Variants in USH2A observed in about 807,000 individuals in gnomAD.
The protein encoded by USH2A is usherin.
In USH2A, 443 loss-of-function variants were observed where a neutral mutation model predicts 538.9. That is an observed-to-expected ratio of 0.82 (90% CI 0.76 to 0.89). The LOEUF (loss-of-function observed/expected upper bound fraction) is 0.89. Ranked by LOEUF, USH2A falls within the 40% of genes least tolerant of loss-of-function variation. The pLI, the probability that USH2A is intolerant of heterozygous loss-of-function variation, is 0.00. For synonymous variants in USH2A, 2,413 were observed against 2,273.5 expected (o/e 1.06, Z -1.75); for missense variants, 6,633 against 6,324.8 (o/e 1.05, Z -1.65).
At chr1:215,774,993 A>G (rs1661420420) in intron 55 of USH2A, among the ~76,000 whole-genome samples, 1 of 149,934 alleles carries the variant, frequency 6.7e-6, no homozygotes, top group Non-Finnish European at 1.5e-5. Flanking sequence ...TCTTATCTCT[A>G]TTTTCACAGG....
intron 21 of USH2A, among the ~76,000 whole-genome samples, chr1:216,136,249 C>A (rs1021255944): frequency 1.3e-5 from 2 of 152,044 alleles, no homozygotes; most frequent in African/African-American, 4.8e-5. Flanking sequence ...TATGCTATCT[C>A]TATAAATATA....
chr1:216,392,772 C>A (rs993038916), intron 3 of USH2A, among the ~76,000 whole-genome samples: 1 of 152,002 alleles, frequency 6.6e-6, no homozygotes, highest in Non-Finnish European at 1.5e-5. Flanking sequence ...AATATCAGAG[C>A]AAAATTACTG....
At position 216,070,145 on chromosome 1, in the gene USH2A, A is replaced by G; in HGVS notation, c.6005T>C (p.Met2002Thr). The change falls in exon 30 of 72, where the codon ATG becomes ACG. Residue 2002 changes from methionine (M) to threonine (T), a missense_variant. By Grantham distance (81) the Met-to-Thr change is moderately conservative (BLOSUM62 -1). Coordinates refer to ENST00000307340, the MANE Select transcript of USH2A (RefSeq NM_206933.4). ...YSEDSTRPPR[M>T]PSASAEFVNT... ...GACAAATTCAGCACTGGCAGAGGGC[A>G]TGCGGGGTGGACGGGTGCTGTCCTC... 6.2e-7 allele frequency: 1 copy of G among 1,614,010 alleles called. No homozygotes were observed.
At chr1:216,141,212 G>T (rs558583280) in intron 21 of USH2A, among the ~76,000 whole-genome samples, 1 of 152,298 alleles carries the variant, frequency 6.6e-6, no homozygotes, top group Non-Finnish European at 1.5e-5. Context: ...TTTTGAACCT[G>T]CAATACACAC....
chr1:215,961,835 T>C (rs1667208409), intron 37 of USH2A, among the ~76,000 whole-genome samples: 1 of 151,828 alleles, frequency 6.6e-6, no homozygotes. Flanking sequence ...GACCCATACA[T>C]GACATATTAT....
intron 60 of USH2A, among the ~76,000 whole-genome samples, chr1:215,733,785 T>C (rs927126055): frequency 1.3e-5 from 2 of 152,224 alleles, no homozygotes; most frequent in Non-Finnish European, 2.9e-5. Flanking sequence ...CATGTCCCAC[T>C]CCAGGGCACA....
intron 20 of USH2A, among the ~76,000 whole-genome samples, chr1:216,184,023 C>T (rs1339050114): frequency 6.6e-6 from 1 of 151,964 alleles, no homozygotes; most frequent in Non-Finnish European, 1.5e-5. Context: ...TCAGTGTACT[C>T]AGGATTTCAC....
rs1411452326 is a variant in USH2A, at chr1:215,671,163, C to A, written c.13942G>T (p.Gly4648Ter). Residue 4648 changes from glycine (G) to a stop codon, truncating the protein, a stop_gained, in exon 64 of 72, where the codon GGA becomes TGA. Coordinates refer to ENST00000307340, the MANE Select transcript of USH2A (RefSeq NM_206933.4). LOFTEE classifies it high-confidence loss of function. ...AAAAGAGAAACAGTTGGCTGGAATCCTCCTGGAGCCATTTGTACCTCCAGA... is the reference window on the plus strand; with the variant it reads ...AAAAGAGAAACAGTTGGCTGGAATCATCCTGGAGCCATTTGTACCTCCAGA... ...PHLEVQMAPGGFQPTVSLLWT... is the reference protein window; with the variant it reads ...PHLEVQMAPG 7 of 1,613,972 alleles carry A rather than the reference C, an allele frequency of 4.3e-6. No homozygotes were observed. The highest frequency in any genetic ancestry group is 5.9e-6 in the Non-Finnish European group (7 of 1,180,018).
intron 12 of USH2A, among the ~76,000 whole-genome samples, chr1:216,249,023 C>G (rs1414766110): frequency 6.6e-6 from 1 of 152,012 alleles, no homozygotes; most frequent in African/African-American, 2.4e-5. Flanking sequence ...TTAACTCTAA[C>G]AGTTTGCTTT....
intron 9 of USH2A, among the ~76,000 whole-genome samples, chr1:216,305,812 T>A (rs1435390546): frequency 1.3e-5 from 2 of 152,202 alleles, no homozygotes; most frequent in African/African-American, 4.8e-5. Flanking sequence ...AATAACTGTT[T>A]TGTTTAAGGA....
At position 215,717,932 on chromosome 1, in the gene USH2A, A is replaced by G. The variant is rs536052570; in HGVS notation, c.12066+10098T>C. The stretch of plus-strand genomic sequence containing the variant: ...TAAACAACTGATTATGTAACTAGAT[A>G]ATATCTGAAATTTGGGATCCAAAGT... On this transcript the variant is annotated intron_variant, in intron 61 of 71. Transcript: ENST00000307340. 6.6e-5 allele frequency among the ~76,000 whole-genome samples: 10 copies of G among 152,344 alleles called. 1 individual carries two copies. Among genetic ancestry groups the G allele is most frequent in the African/African-American group, 1.9e-4 (8 of 41,582 alleles).
chr1:215,838,177 C>T (rs1663583441), intron 46 of USH2A, 74 bp from the exon 47 acceptor site: 1 of 1,170,336 alleles, frequency 8.5e-7, no homozygotes, highest in Non-Finnish European at 1.3e-6. Flanking sequence ...TGAATCCCAC[C>T]TTCCCTCATT....
chr1:216,065,450 A>C (rs1413674819), intron 30 of USH2A, among the ~76,000 whole-genome samples: 1 of 152,256 alleles, frequency 6.6e-6, no homozygotes, highest in Non-Finnish European at 1.5e-5. Flanking sequence ...AACTACATAA[A>C]ATATTTTTTA....
chr1:216,208,573 G>A (rs1158187835), intron 15 of USH2A, among the ~76,000 whole-genome samples: 2 of 152,082 alleles, frequency 1.3e-5, no homozygotes, highest in East Asian at 3.9e-4. Flanking sequence ...AAAAGAGATG[G>A]TCCAGTACTC....
At chr1:216,242,054 C>A (rs993562614) in intron 13 of USH2A, among the ~76,000 whole-genome samples, 19 of 151,970 alleles carry the variant, frequency 1.3e-4, no homozygotes, top group Admixed American at 2.6e-4. Context: ...ATCTTGAGGG[C>A]AAGGATTACC....
chr1:216,180,923 G>A (rs301752), intron 20 of USH2A, among the ~76,000 whole-genome samples: 30,041 of 152,042 alleles, frequency 0.2, 3,083 homozygotes, highest in Non-Finnish European at 0.23. Flanking sequence ...CAGGTCATGA[G>A]CCCTGATTTC....
chr1:215,660,956 C>T (rs750994817), intron 64 of USH2A, among the ~76,000 whole-genome samples: 2 of 152,152 alleles, frequency 1.3e-5, no homozygotes, highest in Non-Finnish European at 2.9e-5. Flanking sequence ...GATTAGATTG[C>T]TTCATATATC....
chr1:215,780,112 A>C, intron 54 of USH2A, 71 bp from the exon 55 acceptor site: 1 of 1,549,828 alleles, frequency 6.5e-7, no homozygotes, highest in Non-Finnish European at 8.9e-7. Context: ...TGAGAATGTC[A>C]CTTTTGTTTT....
intron 16 of USH2A, among the ~76,000 whole-genome samples, chr1:216,206,989 G>C (rs540044392): frequency 6.6e-6 from 1 of 152,210 alleles, no homozygotes; most frequent in Non-Finnish European, 1.5e-5. Flanking sequence ...CACCTCAGCA[G>C]TTTATAAAAG....
Sources: gnomAD v4.1 joint callset for allele counts (sites outside exome capture counted in the v4.1 genomes callset) on GRCh38, gnomAD v4.1.1 for gene constraint, MANE v1.5 for transcripts, NCBI Gene and HGNC (gene_info 2026-07-23, HGNC 2026-07-21) for gene names.